The following ZDHHC16 variants were observed in gnomAD, a reference collection of about 807,000 sequenced individuals.
ZDHHC16 encodes the protein palmitoyltransferase ZDHHC16.
In ZDHHC16, 33 loss-of-function variants were observed where a neutral mutation model predicts 54.4. The ratio of observed to expected loss-of-function variants is 0.61; its 90% CI spans 0.46 to 0.81. The LOEUF (loss-of-function observed/expected upper bound fraction) is 0.81, where lower values mean the gene tolerates loss of function less well. Among genes scored for constraint, ZDHHC16 ranks in the 30% least tolerant of loss-of-function variants. ZDHHC16 has a pLI of 0.00. For missense variants in ZDHHC16, 420 were observed against 485.9 expected, an observed-to-expected ratio of 0.86 and a Z score of 1.28; for synonymous variants, 185 against 182.1, an observed-to-expected ratio of 1.02 and a Z score of -0.13.
At chr10:97,451,300 CAA>C (rs763632316) in intron 2 of ZDHHC16, 4 of 209,278 alleles carry the variant, frequency 1.9e-5, no homozygotes, top group Admixed American at 5.2e-5. Context: ...ACACTCCACC[CAA>C]AAGTCTGTCT....
At chr10:97,456,272 A>G in intron 11 of ZDHHC16, 1 of 516,562 alleles carries the variant, frequency 1.9e-6, no homozygotes, top group Non-Finnish European at 3.4e-6. Flanking sequence ...AATCCTAGGA[A>G]AGCTGTGCTC....
chr10:97,454,007 CT>C (rs1490009397), intron 8 of ZDHHC16, among the ~76,000 whole-genome samples, 161 bp downstream of exon 8: 2 of 152,192 alleles, frequency 1.3e-5, no homozygotes, highest in African/African-American at 4.8e-5. Flanking sequence ...GGTGGGTAGA[CT>C]AAGTGGCCTA....
Position 97,446,248 on chromosome 10 carries a change from G to A in ZDHHC16, c.-291G>A, listed in dbSNP as rs948477280. On this transcript the variant is annotated 5_prime_UTR_variant, in exon 1 of 12. An upstream open reading frame in the 5' UTR gains an earlier in-frame stop. Coordinates refer to ENST00000393760, the MANE Select transcript of ZDHHC16 (RefSeq NM_198046.3). ...GCGGGCGGCGGGCCATGGTGGTTTG[G>A]ATTGAGCCGGGCCCGGCCGGGGCGC... The A allele has an allele frequency of 1.7e-6, 1 of 579,190 alleles. No homozygotes were observed. The highest frequency in any genetic ancestry group is 3.1e-6 in the Non-Finnish European group (1 of 326,580). The allele number at this position is 579,190 out of a possible 1,614,324, so 35.9% of individuals were successfully genotyped here.
chr10:97,451,938 C>A lies in ZDHHC16; in HGVS notation c.243+20C>A, dbSNP rs944621808. The A allele has an allele frequency of 2.5e-6, 4 of 1,599,410 alleles. No individual in the cohort carries two copies. Among genetic ancestry groups the A allele is most frequent in the Non-Finnish European group, 3.4e-6 (4 of 1,171,314 alleles). On this transcript the variant is annotated intron_variant, in intron 3 of 11. Transcript: ENST00000393760. ...GGAGTGGTGAGTGATGTCCAGGGAGCAGGAAAAGGGGTGTTGTGGGGAGCA... is the reference window on the plus strand; with the variant it reads ...GGAGTGGTGAGTGATGTCCAGGGAGAAGGAAAAGGGGTGTTGTGGGGAGCA...
At chr10:97,453,010 G>C (rs372292351) in intron 6 of ZDHHC16, 87 bp downstream of exon 6, 2 of 1,560,194 alleles carry the variant, frequency 1.3e-6, no homozygotes, top group Non-Finnish European at 1.8e-6. Context: ...TAGCATCACC[G>C]TGCAGAGAAC....
intron 1 of ZDHHC16, among the ~76,000 whole-genome samples, chr10:97,447,285 C>G (rs1320358406): frequency 6.6e-6 from 1 of 152,244 alleles, no homozygotes; most frequent in African/African-American, 2.4e-5. Flanking sequence ...AGAGCAGCGT[C>G]TTTGTCCAGA....
chr10:97,455,490 G>C, intron 9 of ZDHHC16, 170 bp from the exon 10 acceptor site: 1 of 1,155,930 alleles, frequency 8.7e-7, no homozygotes, highest in African/African-American at 1.5e-5. Flanking sequence ...TTTCATTGAT[G>C]CTCTTTATAG....
At position 97,452,082 on chromosome 10, in the gene ZDHHC16, G is replaced by C. The variant is rs772375151; in HGVS notation, c.244-8G>C. The C allele has an allele frequency of 6.2e-7, 1 of 1,613,634 alleles. No homozygotes were observed. Among genetic ancestry groups the C allele is most frequent in the Non-Finnish European group, 8.5e-7 (1 of 1,180,028 alleles). On this transcript the variant is annotated splice_region_variant and splice_polypyrimidine_tract_variant and intron_variant, in intron 3 of 11. Coordinates refer to ENST00000393760, the MANE Select transcript of ZDHHC16 (RefSeq NM_198046.3). Reference sequence around the variant, plus strand: ...GCCATGTCTCCCTGACCTTGCTGGTGTTGGCAGGTGTTCGTGGTCCTGGTG... The same window carrying C: ...GCCATGTCTCCCTGACCTTGCTGGTCTTGGCAGGTGTTCGTGGTCCTGGTG...
intron 1 of ZDHHC16, among the ~76,000 whole-genome samples, chr10:97,448,836 G>T (rs1846338365): frequency 6.6e-6 from 1 of 152,196 alleles, no homozygotes; most frequent in Non-Finnish European, 1.5e-5. Flanking sequence ...ATGATTTAAA[G>T]TATATGGGAA....
In ZDHHC16 at chr10:97,455,733, G is replaced by A; in HGVS notation, c.898G>A (p.Glu300Lys). The A allele has an allele frequency of 3.1e-6, 5 of 1,614,106 alleles. No homozygotes were observed. Among genetic ancestry groups the A allele is most frequent in the Non-Finnish European group, 4.2e-6 (5 of 1,180,026 alleles). Residue 300 changes from glutamate (E) to lysine (K), a missense_variant, in exon 10 of 12, where the codon GAA (glutamate) becomes AAA (lysine). Physicochemically the swap from Glu to Lys is moderately conservative, Grantham distance 56. Coordinates refer to ENST00000393760, the MANE Select transcript of ZDHHC16 (RefSeq NM_198046.3). ...CATCAGTCGAGGTGAGACTAGCATC[G>A]AAAGGCACATCAACAAGAAGGAGAG... ...VLISRGETSIERHINKKERRR... is the reference protein window; with the variant it reads ...VLISRGETSIKRHINKKERRR...
chr10:97,449,238 T>TA lies in ZDHHC16; in HGVS notation c.-185-1117dup, dbSNP rs397734346. ...GGAGAATAGAAGTTTTTTTTTTTTTTAAGACTAGAAGAGGTGTGAGGTAGT... is the reference window on the plus strand; with the variant it reads ...GGAGAATAGAAGTTTTTTTTTTTTTTAAAGACTAGAAGAGGTGTGAGGTAGT... On this transcript the variant is annotated intron_variant, in intron 1 of 11. Coordinates refer to ENST00000393760, the MANE Select transcript of ZDHHC16 (RefSeq NM_198046.3). Among the ~76,000 whole-genome samples the TA allele has an allele frequency of 1.1e-3, 168 of 151,914 alleles. 1 individual carries two copies. Among genetic ancestry groups the TA allele is most frequent in the African/African-American group, 3.8e-3 (157 of 41,440 alleles).
At chr10:97,446,572 T>C (rs1218366232) in intron 1 of ZDHHC16, among the ~76,000 whole-genome samples, 6 of 152,222 alleles carry the variant, frequency 3.9e-5, no homozygotes, top group Admixed American at 1.3e-4. Flanking sequence ...TTCACAGATA[T>C]GGAACCTCAG....
intron 4 of ZDHHC16, 31 bp from the exon 5 acceptor site, chr10:97,452,384 T>C: frequency 1.2e-6 from 2 of 1,612,614 alleles, no homozygotes; most frequent in Non-Finnish European, 1.7e-6. Context: ...ACAGAACTGG[T>C]GCTGCCACGT....
intron 5 of ZDHHC16, 103 bp from the exon 6 acceptor site, chr10:97,452,792 C>T (rs562248608): frequency 6.7e-7 from 1 of 1,501,180 alleles, no homozygotes; most frequent in Admixed American, 1.7e-5. Flanking sequence ...AAAGTCTGTG[C>T]CCTTTCCACC....
chr10:97,452,774 C>A, intron 5 of ZDHHC16, 121 bp from the exon 6 acceptor site: 1 of 1,351,086 alleles, frequency 7.4e-7, no homozygotes, highest in Non-Finnish European at 1.1e-6. Flanking sequence ...CAAGGCCTGG[C>A]TGTCTTCAAA....
In ZDHHC16 at chr10:97,451,655, T is replaced by C. The variant is rs1265687889; in HGVS notation, c.-5-16T>C. On this transcript the variant is annotated splice_polypyrimidine_tract_variant and intron_variant, in intron 2 of 11. Transcript: ENST00000393760. ...GAGGGCTCAGACTAGATCCTCACAA[T>C]GGTGTGCTCTCGTAGGAACCATGCG... The C allele has an allele frequency of 3.8e-6, 6 of 1,599,316 alleles. No individual in the cohort carries two copies. The highest frequency in any genetic ancestry group is 5.1e-6 in the Non-Finnish European group (6 of 1,173,836).
At position 97,456,248 on chromosome 10, in the gene ZDHHC16, C is replaced by T. The variant is rs536606224; in HGVS notation, c.1019+204C>T. 3.6e-5 allele frequency: 20 copies of T among 549,986 alleles called. No individual in the cohort carries two copies. In the Admixed American group the frequency reaches 4.2e-4, roughly 12 times the overall value. 34.1% of individuals were successfully genotyped at this position (549,986 alleles called of 1,614,324 possible). On this transcript the variant is annotated intron_variant, in intron 11 of 11. Coordinates refer to ENST00000393760, the MANE Select transcript of ZDHHC16 (RefSeq NM_198046.3). ...TTTTAAGTAACAGATGAGGCTTCAA[C>T]GTGACTACAGTGGAATCCTAGGAAA...
At chr10:97,448,820 C>T (rs1846337310) in intron 1 of ZDHHC16, among the ~76,000 whole-genome samples, 1 of 152,214 alleles carries the variant, frequency 6.6e-6, no homozygotes, top group East Asian at 1.9e-4. Flanking sequence ...TATGAGTAAT[C>T]TAGAAATGAT....
chr10:97,457,245 G>A lies in ZDHHC16; in HGVS notation c.*354G>A. ...CTACTTGCTGTCTGAAAAAACACCT[G>A]ACTAGTACAGCTGAGATCTTGGCTT... On this transcript the variant is annotated 3_prime_UTR_variant, in exon 12 of 12. Transcript: ENST00000393760. 1 of 164,616 alleles carries A rather than the reference G, an allele frequency of 6.1e-6. No individual in the cohort carries two copies. The highest frequency in any genetic ancestry group is 1.3e-5 in the Non-Finnish European group (1 of 76,100). The allele number at this position is 164,616 out of a possible 1,614,324, so 10.2% of individuals were successfully genotyped here.
Sources: allele counts gnomAD v4.1 joint callset (sites outside exome capture counted in the v4.1 genomes callset), GRCh38; gene constraint gnomAD v4.1.1; transcripts MANE v1.5; gene names NCBI Gene and HGNC (gene_info 2026-07-23, HGNC 2026-07-21).